The following SDCCAG8 variants were observed in gnomAD, a reference collection of about 807,000 sequenced individuals.
The protein encoded by SDCCAG8 is SHH signaling and ciliogenesis regulator SDCCAG8, also known as serologically defined colon cancer antigen 8.
A neutral mutation model predicts 101.8 loss-of-function variants in SDCCAG8; 74 were observed. That is an observed-to-expected ratio of 0.73 (90% CI 0.60 to 0.88). The LOEUF is 0.88. Ranked by LOEUF, SDCCAG8 falls within the 40% of genes least tolerant of loss-of-function variation. SDCCAG8 has a pLI of 0.00. For synonymous variants in SDCCAG8, 281 were observed against 292.9 expected (o/e 0.96, Z 0.41); for missense variants, 787 against 822.6 (o/e 0.96, Z 0.53).
chr1:243,332,125 C>A lies in SDCCAG8; in HGVS notation c.1221+1433C>A, dbSNP rs539390488. Among the ~76,000 whole-genome samples, 39 of 152,266 alleles carry A rather than the reference C, an allele frequency of 2.6e-4. No individual in the cohort carries two copies. The South Asian group carries it at 6.8e-3, about 27-fold the overall frequency. On this transcript the variant is annotated intron_variant, in intron 10 of 17. Transcript: ENST00000366541. ...ATATAACACACCCAAGACTCTGGACCTGGAAAGCATCGCACTTTCTAGGAA... is the reference window on the plus strand; with the variant it reads ...ATATAACACACCCAAGACTCTGGACATGGAAAGCATCGCACTTTCTAGGAA...
chr1:243,339,995 A>G (rs1223252948), intron 10 of SDCCAG8, among the ~76,000 whole-genome samples: 4 of 152,258 alleles, frequency 2.6e-5, no homozygotes, highest in Admixed American at 6.5e-5. Flanking sequence ...CTGGAAAAGA[A>G]CAAAACATAA....
At position 243,401,128 on chromosome 1, in the gene SDCCAG8, C is replaced by T. The variant is rs575829456; in HGVS notation, c.1617-14574C>T. 2.1e-4 allele frequency among the ~76,000 whole-genome samples: 32 copies of T among 152,230 alleles called. No individual in the cohort carries two copies. The South Asian group carries it at 5.2e-3, about 25-fold the overall frequency. ...ATAAATAACCATCTTGTAATGATAA[C>T]GACTGGAATTGTGATTCTCATGAAG... On this transcript the variant is annotated intron_variant, in intron 13 of 17. Transcript: ENST00000366541.
chr1:243,397,054 C>T (rs957640887), intron 13 of SDCCAG8, among the ~76,000 whole-genome samples: 2 of 152,112 alleles, frequency 1.3e-5, no homozygotes, highest in Non-Finnish European at 2.9e-5. Context: ...AGGAAATGTT[C>T]AGTGGAATCC....
intron 16 of SDCCAG8, among the ~76,000 whole-genome samples, chr1:243,478,096 G>A (rs769760447): frequency 1.9e-4 from 29 of 152,198 alleles, no homozygotes; most frequent in Admixed American, 3.9e-4. Flanking sequence ...CTCTTCTCCC[G>A]CCCCCAGGCC....
At chr1:243,441,315 C>T (rs531255391) in intron 16 of SDCCAG8, among the ~76,000 whole-genome samples, 218 of 152,280 alleles carry the variant, frequency 1.4e-3, no homozygotes, top group Admixed American at 5.5e-3. Flanking sequence ...ATTAAGATGC[C>T]AAACGTGCTG....
In SDCCAG8 at chr1:243,316,837, G is replaced by A. The variant is rs1431330757; in HGVS notation, c.1012G>A (p.Glu338Lys). 1 of 1,614,040 alleles carries A rather than the reference G, an allele frequency of 6.2e-7. No homozygotes were observed. The highest frequency in any genetic ancestry group is 8.5e-7 in the Non-Finnish European group (1 of 1,180,034). ...GCAGCAAAGAGAAGCAAGTGCTTAT[G>A]AACAGGTGAAACAAGTTTTGCAAAT... The part of the protein sequence containing the change: ...DTQQREASAY[E>K]QVKQVLQISE... Residue 338 changes from glutamate (E) to lysine (K), a missense_variant, in exon 9 of 18, where the codon GAA (glutamate) becomes AAA (lysine). Coordinates refer to ENST00000366541, the MANE Select transcript of SDCCAG8 (RefSeq NM_006642.5).
At chr1:243,454,228 A>G (rs1429380098) in intron 16 of SDCCAG8, among the ~76,000 whole-genome samples, 1 of 152,188 alleles carries the variant, frequency 6.6e-6, no homozygotes, top group Non-Finnish European at 1.5e-5. Context: ...GACCTTTAAA[A>G]CATGAAAAAG....
intron 16 of SDCCAG8, among the ~76,000 whole-genome samples, chr1:243,449,167 C>T (rs1198109393): frequency 6.6e-6 from 1 of 152,148 alleles, no homozygotes; most frequent in Admixed American, 6.5e-5. Context: ...CCTGGCTCTA[C>T]TTAGGCTATT....
Position 243,474,495 on chromosome 1 carries a change from G to C in SDCCAG8, c.1986-14519G>C. On this transcript the variant is annotated intron_variant, in intron 16 of 17. Coordinates refer to ENST00000366541, the MANE Select transcript of SDCCAG8 (RefSeq NM_006642.5). This position sits in a 1 kb window ranked among gnomAD's most constrained non-coding sequence, Gnocchi z 4.7. ...TCCAGAGTCGAAGCAGCCGCCGGGAGGTCTGGGTGGGCAGGGAGGCCGAGA... is the reference window on the plus strand; with the variant it reads ...TCCAGAGTCGAAGCAGCCGCCGGGACGTCTGGGTGGGCAGGGAGGCCGAGA... 6.6e-6 allele frequency among the ~76,000 whole-genome samples: 1 copy of C among 152,200 alleles called. No individual in the cohort carries two copies. The highest frequency in any genetic ancestry group is 1.9e-4 in the East Asian group (1 of 5,180).
chr1:243,495,435 T>A (rs959627467), intron 17 of SDCCAG8, among the ~76,000 whole-genome samples: 2 of 152,206 alleles, frequency 1.3e-5, no homozygotes, highest in Non-Finnish European at 2.9e-5. Flanking sequence ...GGCTTTGAAC[T>A]CTGACTGCGG....
chr1:243,322,836 T>C (rs2073863472), intron 9 of SDCCAG8, among the ~76,000 whole-genome samples: 1 of 151,852 alleles, frequency 6.6e-6, no homozygotes, highest in Non-Finnish European at 1.5e-5. Flanking sequence ...AAGGAAGTCA[T>C]TTAACAAAGC....
intron 17 of SDCCAG8, among the ~76,000 whole-genome samples, chr1:243,490,739 G>C (rs1202557253): frequency 6.6e-6 from 1 of 152,176 alleles, no homozygotes; most frequent in East Asian, 1.9e-4. Context: ...GAGGGTCCTG[G>C]GAGAGGTTCA....
intron 1 of SDCCAG8, among the ~76,000 whole-genome samples, chr1:243,258,166 C>T (rs1251246636): frequency 1.3e-5 from 2 of 149,876 alleles, no homozygotes; most frequent in African/African-American, 4.9e-5. Context: ...AGAGCAAATA[C>T]GAAGGATAGA....
intron 16 of SDCCAG8, among the ~76,000 whole-genome samples, chr1:243,450,864 G>T (rs1481141681): frequency 1.3e-5 from 2 of 152,240 alleles, no homozygotes; most frequent in East Asian, 3.9e-4. Flanking sequence ...TCACCATGTT[G>T]GCCAGGCTGG....
chr1:243,439,941 A>G (rs1275747306), intron 16 of SDCCAG8, among the ~76,000 whole-genome samples: 1 of 152,186 alleles, frequency 6.6e-6, no homozygotes, highest in Non-Finnish European at 1.5e-5. Context: ...TTTCAGGCTA[A>G]TGTGTCTTAG....
At chr1:243,316,410 G>A (rs2073236879) in intron 8 of SDCCAG8, among the ~76,000 whole-genome samples, 1 of 152,186 alleles carries the variant, frequency 6.6e-6, no homozygotes, top group East Asian at 1.9e-4. Flanking sequence ...TTTACAATTC[G>A]TACCTTCCCT....
At chr1:243,496,279 C>G (rs900320870) in intron 17 of SDCCAG8, among the ~76,000 whole-genome samples, 7 of 152,192 alleles carry the variant, frequency 4.6e-5, no homozygotes, top group Non-Finnish European at 8.8e-5. Flanking sequence ...GCGGGCGGAG[C>G]CGGGCCTGGC....
At chr1:243,460,734 CA>C (rs1658913338) in intron 16 of SDCCAG8, among the ~76,000 whole-genome samples, 1 of 152,118 alleles carries the variant, frequency 6.6e-6, no homozygotes, top group Non-Finnish European at 1.5e-5. Context: ...GTGGCCACAC[CA>C]ATAAGTCCCC....
chr1:243,318,068 A>T (rs1296499769), intron 9 of SDCCAG8: 1 of 456,688 alleles, frequency 2.2e-6, no homozygotes, highest in Admixed American at 2.3e-5. Flanking sequence ...TAAACGATGG[A>T]ATTGATGGAA....
Sources: allele counts gnomAD v4.1 joint callset (sites outside exome capture counted in the v4.1 genomes callset), GRCh38; gene constraint gnomAD v4.1.1; non-coding constraint Gnocchi (gnomAD v3.1); transcripts MANE v1.5; gene names NCBI Gene and HGNC (gene_info 2026-07-23, HGNC 2026-07-21).